Variants in RTL4 observed in about 807,000 individuals in gnomAD.
The protein encoded by RTL4 is retrotransposon Gag like 4, also known as retrotransposon Gag-like protein 4.
A neutral mutation model predicts 5.3 loss-of-function variants in RTL4; 4 were observed. The ratio of observed to expected loss-of-function variants is 0.75; its 90% CI spans 0.37 to 1.72. The LOEUF (loss-of-function observed/expected upper bound fraction) is 1.72. Ranked by LOEUF, RTL4 falls within the 40% of genes most tolerant of loss-of-function variation. The pLI is 0.04. For synonymous variants in RTL4, 98 were observed against 87.3 expected, an observed-to-expected ratio of 1.12 and a Z score of -0.68; for missense variants, 260 against 227.1, an observed-to-expected ratio of 1.14 and a Z score of -0.93.
the RTL4 span, among the ~76,000 whole-genome samples, chrX:112,146,207 G>A: frequency 9.0e-6 from 1 of 111,260 alleles, no homozygotes; most frequent in East Asian, 2.8e-4. Flanking sequence ...GCGAATTTTG[G>A]AGGCATAACA....
chrX:112,320,821 G>A, the RTL4 span, among the ~76,000 whole-genome samples: 5 of 111,349 alleles, frequency 4.5e-5, no homozygotes, highest in Admixed American at 1.9e-4. Flanking sequence ...CCCCACATAG[G>A]ATCAATGGAA....
the RTL4 span, among the ~76,000 whole-genome samples, chrX:112,433,163 T>C: frequency 1.3e-4 from 14 of 111,520 alleles, no homozygotes; most frequent in Non-Finnish European, 2.1e-4. Flanking sequence ...AGTCAGGTAG[T>C]GTGATGCCTC....
the RTL4 span, among the ~76,000 whole-genome samples, chrX:112,447,023 C>G: frequency 9.0e-6 from 1 of 111,609 alleles, no homozygotes; most frequent in Non-Finnish European, 1.9e-5. Context: ...CCTGGGAATA[C>G]AGAAATAAAT....
At chrX:112,426,119 C>T in the RTL4 span, among the ~76,000 whole-genome samples, 14 of 111,094 alleles carry the variant, frequency 1.3e-4, no homozygotes, top group African/African-American at 3.9e-4. Context: ...TGTATAAGGT[C>T]TGTGTTTAGA....
the RTL4 span, among the ~76,000 whole-genome samples, chrX:112,261,922 GA>G: frequency 9.0e-6 from 1 of 111,627 alleles, no homozygotes; most frequent in Admixed American, 9.5e-5. Context: ...TGACAAACCT[GA>G]AAAAAACAAG....
chrX:112,179,347 A>T, the RTL4 span, among the ~76,000 whole-genome samples: 3 of 70,941 alleles, frequency 4.2e-5, no homozygotes, highest in Non-Finnish European at 5.9e-5. Flanking sequence ...ATAGGGACAT[A>T]AAAAAAAAGC....
chrX:112,297,641 CA>C, the RTL4 span, among the ~76,000 whole-genome samples: 6 of 111,370 alleles, frequency 5.4e-5, no homozygotes, highest in Non-Finnish European at 1.1e-4. Flanking sequence ...GGCACAAAGC[CA>C]AACCATATCA....
chrX:112,185,275 C>G, the RTL4 span, among the ~76,000 whole-genome samples: 3 of 107,658 alleles, frequency 2.8e-5, no homozygotes, highest in Non-Finnish European at 5.8e-5. Flanking sequence ...ACACTTTGTC[C>G]AAATAGTGAT....
chrX:112,172,735 G>T, the RTL4 span, among the ~76,000 whole-genome samples: 1 of 111,120 alleles, frequency 9.0e-6, no homozygotes, highest in South Asian at 3.9e-4. Context: ...CAATAGCAAA[G>T]ACATGGAATC....
chrX:112,338,470 A>G, the RTL4 span, among the ~76,000 whole-genome samples: 1 of 112,460 alleles, frequency 8.9e-6, no homozygotes, highest in Admixed American at 9.4e-5. Context: ...TGACTGACAA[A>G]AAAATCAATT....
At chrX:112,316,560 T>C in the RTL4 span, among the ~76,000 whole-genome samples, 1 of 112,159 alleles carries the variant, frequency 8.9e-6, no homozygotes, top group African/African-American at 3.2e-5. Context: ...TGTAAAACCC[T>C]ATGCTTCTAC....
the RTL4 span, among the ~76,000 whole-genome samples, chrX:112,162,245 A>G: frequency 9.0e-6 from 1 of 111,378 alleles, no homozygotes; most frequent in Non-Finnish European, 1.9e-5. Context: ...CTATGAATCA[A>G]CCCTGCCTGA....
chrX:112,277,301 G>A, the RTL4 span, among the ~76,000 whole-genome samples: 4 of 111,651 alleles, frequency 3.6e-5, no homozygotes, highest in East Asian at 2.8e-4. Context: ...TTAGAATCAC[G>A]TTCTCTGGGA....
At chrX:112,102,146 G>A in the RTL4 span, among the ~76,000 whole-genome samples, 131 of 111,375 alleles carry the variant, frequency 1.2e-3, 1 homozygote, top group Non-Finnish European at 2.1e-3. Flanking sequence ...GACTCTCTAT[G>A]TGTTTTACAC....
At chrX:112,379,758 G>T in the RTL4 span, among the ~76,000 whole-genome samples, 201 of 111,012 alleles carry the variant, frequency 1.8e-3, no homozygotes, top group African/African-American at 6.4e-3. Context: ...TGCATCTATT[G>T]ACATGATCAT....
chrX:112,137,607 G>A, the RTL4 span, among the ~76,000 whole-genome samples: 422 of 111,671 alleles, frequency 3.8e-3, no homozygotes, highest in Admixed American at 7.7e-3. Context: ...TCCACACATG[G>A]AGATTACAGG....
chrX:112,326,842 C>G, the RTL4 span, among the ~76,000 whole-genome samples: 2 of 111,713 alleles, frequency 1.8e-5, no homozygotes, highest in Non-Finnish European at 3.8e-5. Flanking sequence ...AAGTGGGTCC[C>G]TGACCCCTGA....
At chrX:112,249,777 T>TTA in the RTL4 span, among the ~76,000 whole-genome samples, 2,678 of 99,731 alleles carry the variant, frequency 0.027, 40 homozygotes, top group African/African-American at 0.055. Context: ...ATATATGTAA[T>TTA]TATATATATA....
the RTL4 span, among the ~76,000 whole-genome samples, chrX:112,161,297 G>C: frequency 8.9e-6 from 1 of 111,818 alleles, no homozygotes; most frequent in East Asian, 2.8e-4. Flanking sequence ...GGAGTTTGCT[G>C]AATTCTAAAG....
Sources: allele counts gnomAD v4.1 joint callset (sites outside exome capture counted in the v4.1 genomes callset), GRCh38; gene constraint gnomAD v4.1.1; transcripts MANE v1.5; gene names NCBI Gene and HGNC (gene_info 2026-07-23, HGNC 2026-07-21).